Variants in RBFOX1 observed in about 807,000 individuals in gnomAD.
The protein encoded by RBFOX1 is RNA binding fox-1 homolog 1.
In RBFOX1, 8 loss-of-function variants were observed where a neutral mutation model predicts 57.7. That is an observed-to-expected ratio of 0.14 (90% CI 0.08 to 0.25). The LOEUF is 0.25. Among genes scored for constraint, RBFOX1 ranks in the 10% least tolerant of loss-of-function variants. The pLI is 1.00. For missense variants in RBFOX1, 611 were observed against 548.5 expected, an observed-to-expected ratio of 1.11 and a Z score of -1.14; for synonymous variants, 326 against 222.4, an observed-to-expected ratio of 1.47 and a Z score of -4.15.
At chr16:7,570,920 A>G (rs552932744) in intron 5 of RBFOX1, among the ~76,000 whole-genome samples, 1 of 152,210 alleles carries the variant, frequency 6.6e-6, no homozygotes, top group Non-Finnish European at 1.5e-5. Context: ...GAAGAAGATT[A>G]TGTTCTTTGC....
In RBFOX1 at chr16:6,795,394, C is replaced by G. The variant is rs1287712116; in HGVS notation, c.-16+140744C>G. On this transcript the variant is annotated intron_variant, in intron 3 of 15. Coordinates refer to ENST00000550418, the MANE Select transcript of RBFOX1 (RefSeq NM_018723.4). ...ACAAAATAAGAAGAAAAAAAATCAG[C>G]TCTGGGGAGTTTTGTCCTCAAGTTA... Among the ~76,000 whole-genome samples the G allele has an allele frequency of 2.6e-5, 4 of 152,258 alleles. No homozygotes were observed. In the South Asian group the frequency reaches 6.2e-4, roughly 24 times the overall value.
intron 1 of RBFOX1, among the ~76,000 whole-genome samples, chr16:5,344,677 A>T (rs1269928443): frequency 2.0e-5 from 3 of 152,216 alleles, no homozygotes; most frequent in African/African-American, 7.2e-5. Context: ...CTGAACTTCA[A>T]CATGGATTTT....
chr16:7,693,242 A>G (rs1427016287), intron 14 of RBFOX1: 5 of 1,295,306 alleles, frequency 3.9e-6, no homozygotes, highest in Non-Finnish European at 5.6e-6. Context: ...TCATCTGTAC[A>G]CATCGAAGCA....
chr16:7,260,352 A>G (rs962394552), intron 4 of RBFOX1, among the ~76,000 whole-genome samples: 10 of 152,230 alleles, frequency 6.6e-5, no homozygotes, highest in African/African-American at 2.4e-5. Flanking sequence ...TTAAAATTTT[A>G]TTAAACGCCG....
chr16:6,996,302 C>G (rs774274060), intron 3 of RBFOX1, among the ~76,000 whole-genome samples: 23 of 152,078 alleles, frequency 1.5e-4, no homozygotes, highest in Admixed American at 3.3e-4. Flanking sequence ...TAACACTGAA[C>G]TAGTACTGGG....
intron 2 of RBFOX1, among the ~76,000 whole-genome samples, chr16:5,581,347 C>G (rs1195623716): frequency 6.6e-6 from 1 of 152,188 alleles, no homozygotes; most frequent in Non-Finnish European, 1.5e-5. Flanking sequence ...AGGAATAAGC[C>G]ATTTGTGTAA....
chr16:7,706,597 T>G (rs961767408), intron 14 of RBFOX1, among the ~76,000 whole-genome samples: 1 of 152,184 alleles, frequency 6.6e-6, no homozygotes, highest in Non-Finnish European at 1.5e-5. Context: ...TATATCTGAA[T>G]TTGCATCTTT....
At chr16:5,702,487 G>A (rs897464088) in intron 3 of RBFOX1, among the ~76,000 whole-genome samples, 6 of 152,188 alleles carry the variant, frequency 3.9e-5, no homozygotes, top group African/African-American at 1.2e-4. Flanking sequence ...CAATTAGCTA[G>A]GCCAGCGAGG....
intron 3 of RBFOX1, among the ~76,000 whole-genome samples, chr16:7,046,884 G>A (rs1260197450): frequency 1.3e-5 from 2 of 151,946 alleles, no homozygotes; most frequent in Admixed American, 6.6e-5. Context: ...GGAATTACAG[G>A]CGTGAGCCCC....
intron 2 of RBFOX1, among the ~76,000 whole-genome samples, chr16:6,641,515 G>C (rs1004924858): frequency 5.9e-5 from 9 of 151,990 alleles, no homozygotes; most frequent in African/African-American, 1.9e-4. Context: ...CGGGCAGATC[G>C]CTTGAGCCCA....
At chr16:7,368,399 G>C (rs573383045) in intron 4 of RBFOX1, among the ~76,000 whole-genome samples, 6 of 151,958 alleles carry the variant, frequency 3.9e-5, no homozygotes, top group Non-Finnish European at 8.8e-5. Context: ...CGTATTACCA[G>C]AAAACCAGCA....
rs577840173 is a variant in RBFOX1, at chr16:7,094,922, C to G, written c.27+42824C>G. On this transcript the variant is annotated intron_variant, in intron 4 of 15. Coordinates refer to ENST00000550418, the MANE Select transcript of RBFOX1 (RefSeq NM_018723.4). ...AGACTTTTGCCCCGTCTCTTAATACCTGTAGAACAAATATTGTATCTGTAA... is the reference window on the plus strand; with the variant it reads ...AGACTTTTGCCCCGTCTCTTAATACGTGTAGAACAAATATTGTATCTGTAA... Among the ~76,000 whole-genome samples, 6 of 152,116 alleles carry G rather than the reference C, an allele frequency of 3.9e-5. No individual in the cohort carries two copies. In the South Asian group the frequency reaches 8.3e-4, roughly 21 times the overall value.
At chr16:6,129,272 A>C (rs2096612309) in intron 1 of RBFOX1, among the ~76,000 whole-genome samples, 1 of 152,194 alleles carries the variant, frequency 6.6e-6, no homozygotes, top group African/African-American at 2.4e-5. Context: ...CTTAAAGAGA[A>C]GATTGTGTTA....
At chr16:6,500,288 C>G (rs2095874283) in intron 2 of RBFOX1, among the ~76,000 whole-genome samples, 1 of 152,164 alleles carries the variant, frequency 6.6e-6, no homozygotes, top group Non-Finnish European at 1.5e-5. Flanking sequence ...CATCTGTGTT[C>G]AACACACCAT....
chr16:6,848,329 G>C (rs191034751), intron 3 of RBFOX1, among the ~76,000 whole-genome samples: 14 of 152,270 alleles, frequency 9.2e-5, no homozygotes, highest in African/African-American at 3.4e-4. Flanking sequence ...CTCCAGAGAA[G>C]TTTGGCATCT....
chr16:5,534,888 A>T (rs1181278378), intron 2 of RBFOX1, among the ~76,000 whole-genome samples: 1 of 152,246 alleles, frequency 6.6e-6, no homozygotes, highest in East Asian at 1.9e-4. Flanking sequence ...AAGATGCTAC[A>T]GATATGGGTC....
intron 2 of RBFOX1, among the ~76,000 whole-genome samples, chr16:5,594,593 G>C (rs866936654): frequency 4.6e-5 from 7 of 152,166 alleles, no homozygotes; most frequent in Non-Finnish European, 8.8e-5. Context: ...GGGAGAGGAG[G>C]CTTCCAGGTC....
chr16:6,077,368 A>G (rs944805071), intron 1 of RBFOX1, among the ~76,000 whole-genome samples: 2 of 152,204 alleles, frequency 1.3e-5, no homozygotes, highest in African/African-American at 4.8e-5. Context: ...TGTACTAACT[A>G]TATGACTATT....
chr16:6,582,912 A>T (rs2097556905), intron 2 of RBFOX1, among the ~76,000 whole-genome samples: 1 of 147,968 alleles, frequency 6.8e-6, no homozygotes, highest in African/African-American at 2.5e-5. Flanking sequence ...TATTACTATT[A>T]TTTGCAATTT....
Sources: gnomAD v4.1 joint callset for allele counts (sites outside exome capture counted in the v4.1 genomes callset) on GRCh38, gnomAD v4.1.1 for gene constraint, MANE v1.5 for transcripts, NCBI Gene and HGNC (gene_info 2026-07-23, HGNC 2026-07-21) for gene names.